Variants in CD5L observed in about 807,000 individuals in gnomAD.
CD5L encodes CD5 molecule like, also known as CD5 antigen-like.
In CD5L, 39 loss-of-function variants were observed where a neutral mutation model predicts 40.8. The ratio of observed to expected loss-of-function variants is 0.96; its 90% CI spans 0.74 to 1.25. The LOEUF is 1.25. Among genes scored for constraint, CD5L ranks in the 50% most tolerant of loss-of-function variants. The pLI, the probability that CD5L is intolerant of heterozygous loss-of-function variation, is 0.00. For missense variants in CD5L, 433 were observed against 435.9 expected, an observed-to-expected ratio of 0.99 and a Z score of 0.06; for synonymous variants, 192 against 169.6, an observed-to-expected ratio of 1.13 and a Z score of -1.03.
chr1:157,841,798 G>T lies in CD5L; in HGVS notation c.-97C>A. The T allele has an allele frequency of 9.6e-7, 1 of 1,038,338 alleles. No homozygotes were observed. The highest frequency in any genetic ancestry group is 1.5e-6 in the Non-Finnish European group (1 of 675,966). 64.3% of individuals were successfully genotyped at this position (1,038,338 alleles called of 1,614,324 possible). A position where few individuals can be genotyped will look rare whatever the true frequency, so the allele number is the denominator to read the frequency against. On this transcript the variant is annotated 5_prime_UTR_variant, in exon 1 of 6. Transcript: ENST00000368174. The stretch of plus-strand genomic sequence containing the variant: ...TTTAGCTGCAAGTATGTTAAGAGGA[G>T]GGACAAAGACAGGTCCTGAGTGCAG...
chr1:157,833,305 C>T lies in CD5L; in HGVS notation c.926G>A (p.Trp309Ter). The change falls in exon 5 of 6, where the codon TGG becomes TAG. Residue 309 changes from tryptophan (W) to a stop codon, truncating the protein, a stop_gained. Transcript: ENST00000368174. LOFTEE classifies it high-confidence loss of function. The stretch of plus-strand genomic sequence containing the variant: ...CCCTGAGCAACGAACATTATCCAGC[C>T]AGATGCGGCCAACCCCAGGGCCATA... ...KCYGPGVGRI[W>*]LDNVRCSGEE... The T allele has an allele frequency of 6.2e-7, 1 of 1,614,188 alleles. No individual in the cohort carries two copies. The highest frequency in any genetic ancestry group is 1.7e-5 in the Admixed American group (1 of 60,032).
At chr1:157,837,855 A>G (rs1485045034) in intron 2 of CD5L, among the ~76,000 whole-genome samples, 1 of 149,270 alleles carries the variant, frequency 6.7e-6, no homozygotes, top group Non-Finnish European at 1.5e-5. Context: ...GGCTCACTGC[A>G]AGCTTCGCCT....
At position 157,831,936 on chromosome 1, in the gene CD5L, G is replaced by T. The variant is rs771140961; in HGVS notation, c.*28C>A. On this transcript the variant is annotated 3_prime_UTR_variant, in exon 6 of 6. Transcript: ENST00000368174. ...ACAAGCAGAGGGCAGGCGGGGCCAG[G>T]GGGGCCAGGTCAAGCAACACCAGGA... 1.3e-6 allele frequency: 2 copies of T among 1,572,296 alleles called. No individual in the cohort carries two copies. The highest frequency in any genetic ancestry group is 1.7e-6 in the Non-Finnish European group (2 of 1,162,400).
intron 3 of CD5L, 110 bp from the exon 4 acceptor site, chr1:157,834,858 G>T: frequency 2.7e-6 from 2 of 741,606 alleles, no homozygotes; most frequent in Non-Finnish European, 4.4e-6. Context: ...TACAAGGCAT[G>T]CTAAAGTGCT....
At chr1:157,839,352 G>T in intron 2 of CD5L, 32 bp downstream of exon 2, 1 of 1,611,206 alleles carries the variant, frequency 6.2e-7, no homozygotes, top group Non-Finnish European at 8.5e-7. Context: ...TAAGCTTGAG[G>T]CCTCCCTCTC....
intron 2 of CD5L, among the ~76,000 whole-genome samples, chr1:157,837,928 A>C (rs2101940177): frequency 6.6e-6 from 1 of 152,084 alleles, no homozygotes; most frequent in South Asian, 2.1e-4. Flanking sequence ...GGCGCCAGCC[A>C]CCACACCTGG....
At chr1:157,840,077 T>C (rs1250550977) in intron 1 of CD5L, among the ~76,000 whole-genome samples, 1 of 152,216 alleles carries the variant, frequency 6.6e-6, no homozygotes, top group Non-Finnish European at 1.5e-5. Flanking sequence ...TTTTCATGTG[T>C]CATAAAATAG....
chr1:157,834,862 A>C, intron 3 of CD5L, 114 bp from the exon 4 acceptor site: 1 of 714,752 alleles, frequency 1.4e-6, no homozygotes, highest in South Asian at 1.9e-5. Context: ...AGGCATGCTA[A>C]AGTGCTTAAC....
downstream of CD5L, among the ~76,000 whole-genome samples, chr1:157,827,250 A>AAAC (rs1389100931): frequency 1.3e-5 from 2 of 149,314 alleles, no homozygotes; most frequent in Non-Finnish European, 3.0e-5. Context: ...TTCTTCAGAG[A>AAAC]AACAGGACAA....
chr1:157,835,947 CT>C lies in CD5L; in HGVS notation c.263del (p.Lys88ArgfsTer66). 1 of 1,614,180 alleles carries C rather than the reference CT, an allele frequency of 6.2e-7. No individual in the cohort carries two copies. The highest frequency in any genetic ancestry group is 8.5e-7 in the Non-Finnish European group (1 of 1,180,032). ...LYEPPAEKEQ[K>X]VLIQSVSCTG... ...TGCAACTGACTGATTGGATGAGGAC[CT>C]TTTGCTCTTTTTCTGCTGGTGGCTC... On this transcript the variant is annotated frameshift_variant, in exon 3 of 6. Transcript: ENST00000368174. LOFTEE classifies it high-confidence loss of function.
chr1:157,836,699 G>T (rs1420081475), intron 2 of CD5L, among the ~76,000 whole-genome samples: 3 of 152,150 alleles, frequency 2.0e-5, no homozygotes, highest in Non-Finnish European at 4.4e-5. Flanking sequence ...TACAATTCGG[G>T]CTGAACAGCC....
chr1:157,839,286 C>T, intron 2 of CD5L, 98 bp downstream of exon 2: 1 of 1,156,612 alleles, frequency 8.6e-7, no homozygotes, highest in South Asian at 1.2e-5. Context: ...TCTGCTGGGC[C>T]TGTTTTGAAC....
chr1:157,830,094 G>A (rs141417304), downstream of CD5L, among the ~76,000 whole-genome samples: 1 of 152,288 alleles, frequency 6.6e-6, no homozygotes, highest in African/African-American at 2.4e-5. Flanking sequence ...GGAACTGCGG[G>A]TTAGGATGCA....
chr1:157,834,309 C>T lies in CD5L; in HGVS notation c.718+98G>A, dbSNP rs536595816. 6.0e-6 allele frequency: 6 copies of T among 1,004,378 alleles called. No homozygotes were observed. The South Asian group carries it at 6.8e-5, about 11-fold the overall frequency. 62.2% of individuals were successfully genotyped at this position (1,004,378 alleles called of 1,614,324 possible). On this transcript the variant is annotated intron_variant, in intron 4 of 5. Transcript: ENST00000368174. ...CCAGTTAAATAAGTTTGCAATGGTCCTTTGGTGCGTTAGTAGCTCTTTGTA... is the reference window on the plus strand; with the variant it reads ...CCAGTTAAATAAGTTTGCAATGGTCTTTTGGTGCGTTAGTAGCTCTTTGTA...
chr1:157,841,643 A>G (rs1199729857), intron 1 of CD5L, 31 bp downstream of exon 1: 7 of 1,606,458 alleles, frequency 4.4e-6, no homozygotes, highest in Admixed American at 1.7e-5. Flanking sequence ...AAAACTCTGA[A>G]GCCTAAACCA....
Position 157,831,696 on chromosome 1 carries a change from A to T in CD5L, c.*268T>A. ...AGAAAAGGCAGGAAAGGCCAGAACC[A>T]GTGTCAAAGGGTCAGGGTTGAGCAC... On this transcript the variant is annotated 3_prime_UTR_variant, in exon 6 of 6. Coordinates refer to ENST00000368174, the MANE Select transcript of CD5L (RefSeq NM_005894.3). 8.2e-7 allele frequency: 1 copy of T among 1,217,442 alleles called. No homozygotes were observed. The highest frequency in any genetic ancestry group is 3.4e-5 in the East Asian group (1 of 29,442). The allele number at this position is 1,217,442 out of a possible 1,614,324, so 75.4% of individuals were successfully genotyped here.
rs1175040057 is a variant in CD5L at position 157,831,918 on chromosome 1, G to A, written c.*46C>T. Reference sequence around the variant, plus strand: ...TAATCAGGGCTCAGGAGAACAAGCAGAGGGCAGGCGGGGCCAGGGGGGCCA... The same window carrying A: ...TAATCAGGGCTCAGGAGAACAAGCAAAGGGCAGGCGGGGCCAGGGGGGCCA... On this transcript the variant is annotated 3_prime_UTR_variant, in exon 6 of 6. Coordinates refer to ENST00000368174, the MANE Select transcript of CD5L (RefSeq NM_005894.3). 1.3e-6 allele frequency: 2 copies of A among 1,551,210 alleles called. No individual in the cohort carries two copies. Among genetic ancestry groups the A allele is most frequent in the Non-Finnish European group, 1.7e-6 (2 of 1,154,896 alleles).
rs930837140 is a variant in CD5L at position 157,831,455 on chromosome 1, T to C, written c.*509A>G. On this transcript the variant is annotated 3_prime_UTR_variant, in exon 6 of 6. Transcript: ENST00000368174. ...GAAGCTTGAGGAAAAAAAAAAAAAG[T>C]AGTCCAATCAAAAGAATTCTAAACT... is the stretch of plus-strand genomic sequence containing the variant. 3 of 980,544 alleles carry C rather than the reference T, an allele frequency of 3.1e-6. No homozygotes were observed. The highest frequency in any genetic ancestry group is 1.1e-4 in the East Asian group (1 of 8,774). 60.7% of individuals were successfully genotyped at this position (980,544 alleles called of 1,614,324 possible). A position where few individuals can be genotyped will look rare whatever the true frequency, so the allele number is the denominator to read the frequency against.
At chr1:157,834,165 T>C (rs1157136409) in intron 4 of CD5L, among the ~76,000 whole-genome samples, 1 of 152,196 alleles carries the variant, frequency 6.6e-6, no homozygotes, top group African/African-American at 2.4e-5. Flanking sequence ...GTTCCTACAA[T>C]ATAGAATTCA....
Sources: gnomAD v4.1 joint callset for allele counts (sites outside exome capture counted in the v4.1 genomes callset) on GRCh38, gnomAD v4.1.1 for gene constraint, MANE v1.5 for transcripts, NCBI Gene and HGNC (gene_info 2026-07-23, HGNC 2026-07-21) for gene names.